Variants in DGKB observed in about 807,000 individuals in gnomAD.
The protein encoded by DGKB is diacylglycerol kinase beta.
A neutral mutation model predicts 114.3 loss-of-function variants in DGKB; 67 were observed. The observed-to-expected ratio is 0.59, with a 90% CI of 0.48 to 0.72. The LOEUF is 0.72. Ranked by LOEUF, DGKB falls within the 30% of genes least tolerant of loss-of-function variation. The pLI is 0.00. For synonymous variants in DGKB, 398 were observed against 323.1 expected, an observed-to-expected ratio of 1.23 and a Z score of -2.49; for missense variants, 907 against 975.2, an observed-to-expected ratio of 0.93 and a Z score of 0.93.
At chr7:14,840,279 T>A (rs1306184191) in intron 2 of DGKB, among the ~76,000 whole-genome samples, 4 of 152,138 alleles carry the variant, frequency 2.6e-5, no homozygotes, top group Admixed American at 1.3e-4. Flanking sequence ...ACCATGTTAT[T>A]CTTTCCATTC....
intron 1 of DGKB, among the ~76,000 whole-genome samples, chr7:14,852,487 C>CAAAAAAAACAAAAAAAAAAA (rs1554304219): frequency 3.1e-5 from 2 of 63,618 alleles, no homozygotes; most frequent in East Asian, 5.0e-4. Context: ...TAGTGAAAGT[C>CAAAAAAAACAAAAAAAAAAA]AAAAAAAAAA....
chr7:14,476,168 A>G (rs187293267), intron 21 of DGKB, among the ~76,000 whole-genome samples: 1 of 152,072 alleles, frequency 6.6e-6, no homozygotes. Flanking sequence ...ATATATGAAT[A>G]TAAATATGAA....
At chr7:14,679,290 G>T (rs774917759) in intron 12 of DGKB, among the ~76,000 whole-genome samples, 1 of 151,984 alleles carries the variant, frequency 6.6e-6, no homozygotes, top group Non-Finnish European at 1.5e-5. Context: ...ATGAGGTCTT[G>T]TCCTAAACAT....
At chr7:14,556,540 C>T (rs1795901199) in intron 20 of DGKB, among the ~76,000 whole-genome samples, 1 of 151,902 alleles carries the variant, frequency 6.6e-6, no homozygotes, top group Non-Finnish European at 1.5e-5. Context: ...GAATGCATCC[C>T]CTATGCCCCT....
chr7:14,618,119 T>C (rs187869203), intron 15 of DGKB, among the ~76,000 whole-genome samples: 5 of 148,698 alleles, frequency 3.4e-5, no homozygotes, highest in East Asian at 2.0e-4. Context: ...GCAAAGGACA[T>C]ACACACACAC....
chr7:14,583,188 G>A lies in DGKB; in HGVS notation c.1434-51C>T, dbSNP rs73680458. ...ATGATTAATAGTTTAAAAATAAGAT[G>A]TTTTCAGTTTTGTATCATTAACATT... On this transcript the variant is annotated intron_variant, in intron 17 of 25. Coordinates refer to ENST00000402815, the MANE Select transcript of DGKB (RefSeq NM_001350709.2). 3.0e-4 allele frequency: 344 copies of A among 1,145,464 alleles called. No homozygotes were observed. The African/African-American group carries it at 4.9e-3, about 16-fold the overall frequency. 71.0% of individuals were successfully genotyped at this position (1,145,464 alleles called of 1,614,324 possible).
chr7:14,906,782 A>G (rs1469741803), upstream of DGKB, among the ~76,000 whole-genome samples: 1 of 152,190 alleles, frequency 6.6e-6, no homozygotes, highest in Non-Finnish European at 1.5e-5. Context: ...ACAGCACTGT[A>G]TGTAAACTGG....
Position 14,262,134 on chromosome 7 carries a change from A to T in DGKB, c.2122+76381T>A, listed in dbSNP as rs149340258. Among the ~76,000 whole-genome samples the T allele has an allele frequency of 5.3e-5, 8 of 152,296 alleles. No homozygotes were observed. In the East Asian group the frequency reaches 7.7e-4, roughly 15 times the overall value. ...GAATATAGGAGCTTCCAAGATAATGACGTATCAGTTGAATTTGCAGCCTAA... is the reference window on the plus strand; with the variant it reads ...GAATATAGGAGCTTCCAAGATAATGTCGTATCAGTTGAATTTGCAGCCTAA... On this transcript the variant is annotated intron_variant, in intron 23 of 25. Coordinates refer to ENST00000402815, the MANE Select transcript of DGKB (RefSeq NM_001350709.2).
At chr7:14,461,090 C>T (rs1584115901) in intron 21 of DGKB, among the ~76,000 whole-genome samples, 1 of 152,274 alleles carries the variant, frequency 6.6e-6, no homozygotes, top group East Asian at 1.9e-4. Flanking sequence ...TTCTGGGACT[C>T]AGCTAAAGCA....
intron 20 of DGKB, among the ~76,000 whole-genome samples, chr7:14,526,365 T>A (rs1790647530): frequency 6.6e-6 from 1 of 152,068 alleles, no homozygotes; most frequent in Admixed American, 6.6e-5. Flanking sequence ...ATAAAAAATG[T>A]CTCTGAACAT....
At chr7:14,489,896 AG>A (rs950606334) in intron 20 of DGKB, among the ~76,000 whole-genome samples, 1 of 152,192 alleles carries the variant, frequency 6.6e-6, no homozygotes, top group Non-Finnish European at 1.5e-5. Context: ...ATTGAGGCTA[AG>A]GGGTCCCTTG....
intron 25 of DGKB, among the ~76,000 whole-genome samples, chr7:14,168,606 C>T (rs769465293): frequency 6.6e-5 from 10 of 152,144 alleles, no homozygotes; most frequent in South Asian, 4.1e-4. Flanking sequence ...ATGATTCAAA[C>T]GACTATGAAT....
At chr7:14,247,109 T>A (rs1262303018) in intron 23 of DGKB, among the ~76,000 whole-genome samples, 1 of 152,192 alleles carries the variant, frequency 6.6e-6, no homozygotes, top group Non-Finnish European at 1.5e-5. Context: ...TGTGTCTAGC[T>A]TATTAACTTA....
chr7:14,284,818 G>A lies in DGKB; in HGVS notation c.2122+53697C>T, dbSNP rs543907653. Among the ~76,000 whole-genome samples the A allele has an allele frequency of 3.9e-3, 548 of 142,186 alleles. 1 individual carries two copies. Among genetic ancestry groups the A allele is most frequent in the African/African-American group, 0.014 (531 of 38,062 alleles). 93.3% of individuals were successfully genotyped at this position (142,186 alleles called of 152,430 possible). On this transcript the variant is annotated intron_variant, in intron 23 of 25. Coordinates refer to ENST00000402815, the MANE Select transcript of DGKB (RefSeq NM_001350709.2). ...TAGGTGGGAATTGAACAATGAGATT[G>A]CATGGACACAGGAAGGGGAACATCA...
intron 1 of DGKB, among the ~76,000 whole-genome samples, chr7:14,892,164 G>A (rs1022311968): frequency 2.6e-5 from 4 of 151,386 alleles, no homozygotes; most frequent in Non-Finnish European, 5.9e-5. Flanking sequence ...GTGGGAGGAA[G>A]AGAGAGCAAT....
chr7:14,827,153 C>T (rs1006413483), intron 2 of DGKB, among the ~76,000 whole-genome samples: 1 of 152,092 alleles, frequency 6.6e-6, no homozygotes, highest in Non-Finnish European at 1.5e-5. Context: ...TTCACCCATC[C>T]TGTGTATTCT....
At chr7:14,664,789 T>TTCATCTAATTTACTCTGAATTGCAGGG (rs1817734425) in intron 13 of DGKB, among the ~76,000 whole-genome samples, 1 of 151,788 alleles carries the variant, frequency 6.6e-6, no homozygotes, top group East Asian at 1.9e-4. Context: ...CCTCTTTGGA[T>TTCATCTAATTTACTCTGAATTGCAGGG]GCTTCATCTA....
intron 2 of DGKB, among the ~76,000 whole-genome samples, chr7:14,770,846 A>G (rs142820755): frequency 1.7e-3 from 263 of 152,250 alleles, no homozygotes; most frequent in African/African-American, 6.2e-3. Context: ...TAATTTAAAT[A>G]TTAAAAGCGG....
intron 20 of DGKB, among the ~76,000 whole-genome samples, chr7:14,516,694 G>C (rs973944323): frequency 1.3e-5 from 2 of 152,110 alleles, no homozygotes; most frequent in African/African-American, 2.4e-5. Flanking sequence ...TGGTGTATGG[G>C]AATGCTACTA....
Sources: gnomAD v4.1 joint callset for allele counts (sites outside exome capture counted in the v4.1 genomes callset) on GRCh38, gnomAD v4.1.1 for gene constraint, MANE v1.5 for transcripts, NCBI Gene and HGNC (gene_info 2026-07-23, HGNC 2026-07-21) for gene names.